BTBD19: variants seen among roughly 807,000 people sequenced by gnomAD.
BTBD19 encodes the protein BTB/POZ domain-containing protein 19.
In BTBD19, 20 loss-of-function variants were observed where a neutral mutation model predicts 36.1. The ratio of observed to expected loss-of-function variants is 0.55; its 90% confidence interval spans 0.39 to 0.80. The LOEUF is 0.80. Ranked by LOEUF, BTBD19 falls within the 30% of genes least tolerant of loss-of-function variation. The probability of loss-of-function intolerance (pLI) is 0.00; values close to 1 mark genes in which losing one functional copy is unlikely to be tolerated. For missense variants in BTBD19, 325 were observed against 389.8 expected (o/e 0.83, Z 1.40); for synonymous variants, 157 against 174.3 (o/e 0.90, Z 0.78).
intron 1 of BTBD19, among the ~76,000 whole-genome samples, chr1:44,809,339 A>T (rs1652292443): frequency 6.6e-6 from 1 of 152,182 alleles, no homozygotes; most frequent in Non-Finnish European, 1.5e-5. Flanking sequence ...AGCTCCAGAG[A>T]TTGAGCCATA....
chr1:44,812,502 G>A (rs904344930), intron 4 of BTBD19: 3 of 453,468 alleles, frequency 6.6e-6, no homozygotes, highest in African/African-American at 2.0e-5. Context: ...TCAGGAGATC[G>A]AGACCATCCT....
downstream of BTBD19, chr1:44,814,273 T>G (rs1466715344): frequency 6.6e-6 from 1 of 151,164 alleles, no homozygotes; most frequent in African/African-American, 2.5e-5. Flanking sequence ...TCTTTCTCTA[T>G]CTCTTTCTTT....
Position 44,813,352 on chromosome 1 carries a change from G to C in BTBD19, c.616-22G>C. On this transcript the variant is annotated intron_variant, in intron 6 of 7. Coordinates refer to ENST00000450269, the Ensembl canonical transcript of BTBD19. This position sits in a 1 kb window ranked among gnomAD's most constrained non-coding sequence, Gnocchi z 7.8. ...TGAGCGGGCGGCAGGACAGGTGCCC[G>C]ACTCAGGGCTGGCGTTTGCAGGCGG... 2 of 1,543,690 alleles carry C rather than the reference G, an allele frequency of 1.3e-6. No individual in the cohort carries two copies. Among genetic ancestry groups the C allele is most frequent in the Non-Finnish European group, 1.7e-6 (2 of 1,146,450 alleles).
In BTBD19 at chr1:44,813,004, A is replaced by C; in HGVS notation, c.423A>C (p.Val141=). 1 of 1,551,004 alleles carries C rather than the reference A, an allele frequency of 6.4e-7. No homozygotes were observed. The highest frequency in any genetic ancestry group is 8.7e-7 in the Non-Finnish European group (1 of 1,146,598). Residue 141 remains valine (V), a synonymous_variant, in exon 5 of 8, where the codon GTA becomes GTC. Coordinates refer to ENST00000450269, the Ensembl canonical transcript of BTBD19. This position sits in a 1 kb window ranked among gnomAD's most constrained non-coding sequence, Gnocchi z 7.8. ...CCTCATTCTGCTCGCAGGTGGCCGT[A>C]ACCTTTGGCCTGGGGCAGCTGCAGG...
chr1:44,810,501 G>T lies in BTBD19; in HGVS notation c.301-53G>T, dbSNP rs1345869355. 75 of 1,550,536 alleles carry T rather than the reference G, an allele frequency of 4.8e-5. No homozygotes were observed. The highest frequency in any genetic ancestry group is 6.0e-5 in the South Asian group (5 of 83,536). On this transcript the variant is annotated intron_variant, in intron 2 of 7. Transcript: ENST00000450269. This position sits in a 1 kb window ranked among gnomAD's most constrained non-coding sequence, Gnocchi z 4.2. ...GGCAGGAGTTTGCCCATTACACTGTGGGCACAGGGCAGGGGAAACTCCCTT... is the reference window on the plus strand; with the variant it reads ...GGCAGGAGTTTGCCCATTACACTGTTGGCACAGGGCAGGGGAAACTCCCTT...
Position 44,813,127 on chromosome 1 carries a change from C to T in BTBD19, c.484-11C>T, listed in dbSNP as rs577246999. 1.9e-6 allele frequency: 3 copies of T among 1,540,626 alleles called. No individual in the cohort carries two copies. Among genetic ancestry groups the T allele is most frequent in the Admixed American group, 2.0e-5 (1 of 50,406 alleles). ...ATTCTGCTCCTCCCTGACCCATTTG[C>T]CGGCTCGCAGGAGGCCCTCCGGACC... is the stretch of plus-strand genomic sequence containing the variant. On this transcript the variant is annotated splice_polypyrimidine_tract_variant and intron_variant, in intron 5 of 7. Coordinates refer to ENST00000450269, the Ensembl canonical transcript of BTBD19. This position sits in a 1 kb window ranked among gnomAD's most constrained non-coding sequence, Gnocchi z 7.8.
chr1:44,812,012 C>A (rs995144611), intron 3 of BTBD19, 27 bp from the exon 4 acceptor site: 3 of 1,302,602 alleles, frequency 2.3e-6, no homozygotes, highest in Non-Finnish European at 3.0e-6. Context: ...ACACCGCCAC[C>A]CAACCCACAT....
Position 44,808,942 on chromosome 1 carries a change from C to T in BTBD19, c.86+36C>T, listed in dbSNP as rs928635425. Reference sequence around the variant, plus strand: ...GGCCCTGCCTGCGGGTTTTTCTTAGCTGGCTCTGTGGGCCCCAGGACTCTA... The same window carrying T: ...GGCCCTGCCTGCGGGTTTTTCTTAGTTGGCTCTGTGGGCCCCAGGACTCTA... On this transcript the variant is annotated intron_variant, in intron 1 of 7. Coordinates refer to ENST00000450269, the Ensembl canonical transcript of BTBD19. The T allele has an allele frequency of 4.7e-6, 7 of 1,491,338 alleles. No homozygotes were observed. In the East Asian group the frequency reaches 1.2e-4, roughly 27 times the overall value. 92.4% of individuals were successfully genotyped at this position (1,491,338 alleles called of 1,614,324 possible). A position where few individuals can be genotyped will look rare whatever the true frequency, so the allele number is the denominator to read the frequency against.
At position 44,810,769 on chromosome 1, in the gene BTBD19, G is replaced by A. The variant is rs564983017; in HGVS notation, c.354+162G>A. The A allele has an allele frequency of 1.5e-4, 85 of 569,348 alleles. No individual in the cohort carries two copies. The highest frequency in any genetic ancestry group is 1.4e-3 in the African/African-American group (74 of 51,668). The allele number at this position is 569,348 out of a possible 1,614,324, so 35.3% of individuals were successfully genotyped here. On this transcript the variant is annotated intron_variant, in intron 3 of 7. Coordinates refer to ENST00000450269, the Ensembl canonical transcript of BTBD19. The surrounding 1 kb of genome is among the most constrained non-coding windows in gnomAD (Gnocchi z 4.2). ...AAGTAGGGCATGTATGTGTGCCTGT[G>A]TGCAAAAGGATCCATGCATGCCTGC...
chr1:44,811,966 C>G, intron 3 of BTBD19, 73 bp from the exon 4 acceptor site: 1 of 1,196,406 alleles, frequency 8.4e-7, no homozygotes, highest in East Asian at 5.7e-5. Flanking sequence ...AGCCTGCTCA[C>G]TGCTTCTGGG....
rs1557633801 is a variant in BTBD19, at chr1:44,813,075, C to T, written c.483+11C>T. The stretch of plus-strand genomic sequence containing the variant: ...GAGGCCCACAGCCAGGTACTGCTCC[C>T]TTCATACTCCTCACCCTACGCACCG... On this transcript the variant is annotated intron_variant, in intron 5 of 7. Coordinates refer to ENST00000450269, the Ensembl canonical transcript of BTBD19. The surrounding 1 kb of genome is among the most constrained non-coding windows in gnomAD (Gnocchi z 7.8). 5.8e-6 allele frequency: 9 copies of T among 1,550,194 alleles called. No homozygotes were observed. Among genetic ancestry groups the T allele is most frequent in the African/African-American group, 1.4e-5 (1 of 73,144 alleles).
intron 3 of BTBD19, 90 bp from the exon 4 acceptor site, chr1:44,811,949 C>A: frequency 9.3e-7 from 1 of 1,076,510 alleles, no homozygotes; most frequent in Non-Finnish European, 1.3e-6. Flanking sequence ...GGTGACTCAC[C>A]GCTCCAAGCC....
chr1:44,809,382 G>A (rs1337216743), intron 1 of BTBD19, among the ~76,000 whole-genome samples: 4 of 152,198 alleles, frequency 2.6e-5, no homozygotes, highest in Admixed American at 2.6e-4. Flanking sequence ...GGTGCTGGCT[G>A]CTCCCTGCTG....
In BTBD19 at chr1:44,813,839, C is replaced by G. The variant is rs1028199152; in HGVS notation, c.*67C>G. The G allele has an allele frequency of 6.5e-7, 1 of 1,540,912 alleles. No homozygotes were observed. ...TGAGCCTGCCCCAAACTACAGCTCC[C>G]GAAGTGCTCGGCGTTCGGAGCGGGC... On this transcript the variant is annotated 3_prime_UTR_variant, in exon 8 of 8. Transcript: ENST00000450269. The surrounding 1 kb of genome is among the most constrained non-coding windows in gnomAD (Gnocchi z 7.8).
At chr1:44,814,044 G>C (rs11584031) in exon 8 of BTBD19, 222,548 of 579,756 alleles carry the variant, frequency 0.38, 44,918 homozygotes, top group African/African-American at 0.59. Context: ...TCCACACCCT[G>C]ACTCTACGCC....
chr1:44,811,683 G>A (rs61789948), intron 3 of BTBD19: 3 of 273,638 alleles, frequency 1.1e-5, no homozygotes, highest in Middle Eastern at 1.4e-3. Context: ...GAGATGTCAC[G>A]GATGAAATTC....
chr1:44,814,214 T>TTTCTTTC (rs1557635820), downstream of BTBD19: 4 of 114,458 alleles, frequency 3.5e-5, no homozygotes, highest in South Asian at 2.5e-4. Context: ...TTCTTTCTTT[T>TTTCTTTC]TCTTTCTTTC....
At position 44,813,029 on chromosome 1, in the gene BTBD19, G is replaced by A. The variant is rs1652498553; in HGVS notation, c.448G>A (p.Glu150Lys). The change falls in exon 5 of 8, where the codon GAG becomes AAG. Residue 150 changes from glutamate (E) to lysine (K), a missense_variant. Glu to Lys is a moderately conservative substitution (Grantham distance 56, BLOSUM62 1). Coordinates refer to ENST00000450269, the Ensembl canonical transcript of BTBD19. This position sits in a 1 kb window ranked among gnomAD's most constrained non-coding sequence, Gnocchi z 7.8. Reference sequence around the variant, plus strand: ...AACCTTTGGCCTGGGGCAGCTGCAGGAGCGCTGCGTGGCTTTCATAGAGGC... The same window carrying A: ...AACCTTTGGCCTGGGGCAGCTGCAGAAGCGCTGCGTGGCTTTCATAGAGGC... The A allele has an allele frequency of 1.3e-6, 2 of 1,551,466 alleles. No individual in the cohort carries two copies. The highest frequency in any genetic ancestry group is 1.4e-5 in the African/African-American group (1 of 73,130).
downstream of BTBD19, chr1:44,814,160 TTCTTTC>T (rs1448890783): frequency 2.3e-5 from 3 of 130,916 alleles, no homozygotes; most frequent in Admixed American, 7.8e-5. Context: ...CTTTCTTTCT[TTCTTTC>T]TTTCTTTCTT....
Sources: gnomAD v4.1 joint callset for allele counts (sites outside exome capture counted in the v4.1 genomes callset) on GRCh38, gnomAD v4.1.1 for gene constraint, Gnocchi (gnomAD v3.1) non-coding constraint, MANE v1.5 for transcripts, NCBI Gene and HGNC (gene_info 2026-07-23, HGNC 2026-07-21) for gene names.